Variants in DGKG observed in about 807,000 individuals in gnomAD.
DGKG encodes DAG kinase gamma.
In DGKG, 78 loss-of-function variants were observed where a neutral mutation model predicts 105.3. That is an observed-to-expected ratio of 0.74 (90% CI 0.62 to 0.89). The LOEUF (loss-of-function observed/expected upper bound fraction) is 0.89. DGKG is among the 40% of genes least tolerant of loss of function. The probability of loss-of-function intolerance (pLI) is 0.00; values close to 1 mark genes in which losing one functional copy is unlikely to be tolerated. For missense variants in DGKG, 958 were observed against 1,020.1 expected, an observed-to-expected ratio of 0.94 and a Z score of 0.83; for synonymous variants, 346 against 367.1, an observed-to-expected ratio of 0.94 and a Z score of 0.66.
rs1192805296 is a variant in DGKG, at chr3:186,231,535, G to A, written c.1826+10969C>T. On this transcript the variant is annotated intron_variant, in intron 20 of 24. Coordinates refer to ENST00000265022, the MANE Select transcript of DGKG (RefSeq NM_001346.3). This position sits in a 1 kb window ranked among gnomAD's most constrained non-coding sequence, Gnocchi z 4.5. ...CTCTCAATAAATGATGGCTACTATT[G>A]TTGGTATGGGTTGGAGCAGGACTGA... is the stretch of plus-strand genomic sequence containing the variant. 6.6e-6 allele frequency among the ~76,000 whole-genome samples: 1 copy of A among 152,182 alleles called. No homozygotes were observed. The highest frequency in any genetic ancestry group is 1.5e-5 in the Non-Finnish European group (1 of 68,022).
chr3:186,148,456 T>G lies in DGKG; in HGVS notation c.*1634A>C, dbSNP rs528497407. The stretch of plus-strand genomic sequence containing the variant: ...CAGAGAGAACCTCTGGGAAGCAGCA[T>G]GAGGCGCTCGTTTTCTTGTGTGGGG... On this transcript the variant is annotated 3_prime_UTR_variant, in exon 25 of 25. Coordinates refer to ENST00000265022, the MANE Select transcript of DGKG (RefSeq NM_001346.3). 1 of 985,444 alleles carries G rather than the reference T, an allele frequency of 1.0e-6. No homozygotes were observed. Among genetic ancestry groups the G allele is most frequent in the Non-Finnish European group, 1.2e-6 (1 of 829,942 alleles). The allele number at this position is 985,444 out of a possible 1,614,324, so 61.0% of individuals were successfully genotyped here.
intron 6 of DGKG, 39 bp downstream of exon 6, chr3:186,288,671 A>G: frequency 1.2e-6 from 2 of 1,605,262 alleles, no homozygotes; most frequent in Non-Finnish European, 1.7e-6. Flanking sequence ...ATCCTTCTCT[A>G]GGAAAAAGCT....
At position 186,299,841 on chromosome 3, in the gene DGKG, T is replaced by TTTCTTTCTTTCTTTCTCTTTCTTTCTTTC. The variant is rs1446531456; in HGVS notation, c.145-1613_145-1612insGAAAGAAAGAAAGAGAAAGAAAGAAAGAA. 1.6e-4 allele frequency among the ~76,000 whole-genome samples: 12 copies of TTTCTTTCTTTCTTTCTCTTTCTTTCTTTC among 74,616 alleles called. 2 individuals carry two copies. Among genetic ancestry groups the TTTCTTTCTTTCTTTCTCTTTCTTTCTTTC allele is most frequent in the African/African-American group, 3.5e-4 (6 of 17,026 alleles). 49.0% of individuals were successfully genotyped at this position (74,616 alleles called of 152,430 possible). A position where few individuals can be genotyped will look rare whatever the true frequency, so the allele number is the denominator to read the frequency against. ...TCTTTCTTTCTTTCTTTCTTTCTTT[T>TTTCTTTCTTTCTTTCTCTTTCTTTCTTTC]TTTTTTTTTTTGAGATAGAGCCTTG... On this transcript the variant is annotated intron_variant, in intron 3 of 24. Transcript: ENST00000265022.
At chr3:186,288,646 T>A in intron 6 of DGKG, 64 bp downstream of exon 6, 1 of 1,549,200 alleles carries the variant, frequency 6.5e-7, no homozygotes, top group Non-Finnish European at 8.9e-7. Flanking sequence ...TTAGGAATAA[T>A]GGATAGAACC....
At chr3:186,282,907 C>T (rs1437837664) in intron 7 of DGKG, among the ~76,000 whole-genome samples, 3 of 147,314 alleles carry the variant, frequency 2.0e-5, no homozygotes, top group Non-Finnish European at 4.5e-5. Context: ...AAAAGATACA[C>T]TTTTTTTTTT....
At chr3:186,156,257 G>A (rs1716030800) in intron 24 of DGKG, among the ~76,000 whole-genome samples, 2 of 151,974 alleles carry the variant, frequency 1.3e-5, no homozygotes, top group South Asian at 2.1e-4. Context: ...TTGAACTGGG[G>A]GGCTTTTTTT....
intron 20 of DGKG, among the ~76,000 whole-genome samples, chr3:186,240,607 C>T (rs1368448520): frequency 2.6e-5 from 4 of 151,840 alleles, no homozygotes; most frequent in Non-Finnish European, 5.9e-5. Flanking sequence ...GTCAGGAGTT[C>T]GAGACCAGCC....
chr3:186,187,225 A>G (rs1384013467), intron 22 of DGKG, among the ~76,000 whole-genome samples: 1 of 152,244 alleles, frequency 6.6e-6, no homozygotes, highest in African/African-American at 2.4e-5. Context: ...AGAAGCAAGG[A>G]ACCCAGTGAG....
intron 20 of DGKG, among the ~76,000 whole-genome samples, chr3:186,220,960 G>A (rs1578683757): frequency 2.6e-5 from 4 of 152,200 alleles, no homozygotes; most frequent in Non-Finnish European, 4.4e-5. Context: ...CTCCAAGCAC[G>A]AAGATTGCCA....
chr3:186,243,895 G>GTTTTTTTTTTTTTTTTTTTTTTTT (rs34134152), intron 19 of DGKG, among the ~76,000 whole-genome samples: 32 of 116,318 alleles, frequency 2.8e-4, no homozygotes, highest in African/African-American at 1.1e-3. Context: ...AAATTTCTGT[G>GTTTTTTTTTTTTTTTTTTTTTTTT]TTTTTTTTTT....
chr3:186,171,438 G>A (rs1315989171), intron 22 of DGKG, among the ~76,000 whole-genome samples: 1 of 152,178 alleles, frequency 6.6e-6, no homozygotes, highest in Admixed American at 6.5e-5. Context: ...TACCAAAACA[G>A]ATGCTCAAGT....
chr3:186,294,790 G>A (rs575282716), intron 5 of DGKG, among the ~76,000 whole-genome samples: 17 of 152,104 alleles, frequency 1.1e-4, no homozygotes, highest in Non-Finnish European at 1.5e-4. Context: ...TGTGCCTTAC[G>A]TCCATTTCAC....
At chr3:186,238,765 C>G (rs751068887) in intron 20 of DGKG, among the ~76,000 whole-genome samples, 16 of 152,176 alleles carry the variant, frequency 1.1e-4, no homozygotes, top group Non-Finnish European at 1.9e-4. Context: ...GCTCGTATTC[C>G]TGCCTCCTCG....
intron 3 of DGKG, among the ~76,000 whole-genome samples, chr3:186,300,846 G>A (rs1026965021): frequency 5.9e-5 from 9 of 152,186 alleles, no homozygotes; most frequent in African/African-American, 1.4e-4. Context: ...AGGAAACCTC[G>A]TGACTGGTCT....
At position 186,210,560 on chromosome 3, in the gene DGKG, A is replaced by G; in HGVS notation, c.1917+1235T>C. 1 of 453,296 alleles carries G rather than the reference A, an allele frequency of 2.2e-6. No individual in the cohort carries two copies. The highest frequency in any genetic ancestry group is 4.4e-6 in the Non-Finnish European group (1 of 226,304). 28.1% of individuals were successfully genotyped at this position (453,296 alleles called of 1,614,324 possible). ...GCAACCGAAGAGGAGAGGCAGGCAG[A>G]TGAGTCAAATGCAGCCGCACAGAAC... On this transcript the variant is annotated intron_variant, in intron 21 of 24. Transcript: ENST00000265022. The surrounding 1 kb of genome is among the most constrained non-coding windows in gnomAD (Gnocchi z 5.2).
chr3:186,257,670 T>G, intron 17 of DGKG, 184 bp downstream of exon 17: 7 of 548,054 alleles, frequency 1.3e-5, no homozygotes, highest in Non-Finnish European at 2.3e-5. Context: ...AATCATTCGA[T>G]TGTCTTATTT....
chr3:186,203,801 G>A lies in DGKG; in HGVS notation c.1917+7994C>T, dbSNP rs538988551. On this transcript the variant is annotated intron_variant, in intron 21 of 24. Coordinates refer to ENST00000265022, the MANE Select transcript of DGKG (RefSeq NM_001346.3). The surrounding 1 kb of genome is among the most constrained non-coding windows in gnomAD (Gnocchi z 4.9). ...CTTCTCAACTTTCCCTTCCCCATGC[G>A]TGTTTCCATTTCTTCCACTGTGGCG... is the stretch of plus-strand genomic sequence containing the variant. Among the ~76,000 whole-genome samples the A allele has an allele frequency of 1.3e-5, 2 of 152,278 alleles. No individual in the cohort carries two copies. The highest frequency in any genetic ancestry group is 4.1e-4 in the South Asian group (2 of 4,824).
intron 15 of DGKG, among the ~76,000 whole-genome samples, chr3:186,261,076 G>A (rs998627892): frequency 6.6e-6 from 1 of 152,226 alleles, no homozygotes; most frequent in African/African-American, 2.4e-5. Context: ...AGTTCAGGAG[G>A]GGTGTCCTGC....
intron 1 of DGKG, among the ~76,000 whole-genome samples, chr3:186,343,982 GTTGT>G (rs1726208420): frequency 6.6e-6 from 1 of 152,068 alleles, no homozygotes; most frequent in South Asian, 2.1e-4. Flanking sequence ...TCCCTCTGCT[GTTGT>G]TTATCTTTAA....
Sources: allele counts gnomAD v4.1 joint callset (sites outside exome capture counted in the v4.1 genomes callset), GRCh38; gene constraint gnomAD v4.1.1; non-coding constraint Gnocchi (gnomAD v3.1); transcripts MANE v1.5; gene names NCBI Gene and HGNC (gene_info 2026-07-23, HGNC 2026-07-21).